Variants in GSG1 observed in about 807,000 individuals in gnomAD.
GSG1 encodes the protein germ cell-specific gene 1 protein.
In GSG1, 28 loss-of-function variants were observed where a neutral mutation model predicts 30.8. That is an observed-to-expected ratio of 0.91 (90% confidence interval 0.67 to 1.25). The LOEUF (loss-of-function observed/expected upper bound fraction) is 1.25, where lower values mean the gene tolerates loss of function less well. Ranked by LOEUF, GSG1 falls within the 50% of genes most tolerant of loss-of-function variation. The pLI is 0.00. For missense variants in GSG1, 435 were observed against 444.7 expected, an observed-to-expected ratio of 0.98 and a Z score of 0.20; for synonymous variants, 162 against 178.0, an observed-to-expected ratio of 0.91 and a Z score of 0.71.
chr12:13,094,898 G>T (rs1404228244), intron 1 of GSG1, among the ~76,000 whole-genome samples: 1 of 151,620 alleles, frequency 6.6e-6, no homozygotes, highest in Admixed American at 6.6e-5. Context: ...GTTATTCTCG[G>T]GGTTATTCAG....
At chr12:13,095,178 A>G (rs1180135410) in intron 1 of GSG1, among the ~76,000 whole-genome samples, 1 of 152,202 alleles carries the variant, frequency 6.6e-6, no homozygotes, top group Non-Finnish European at 1.5e-5. Flanking sequence ...GCCCTTTGTC[A>G]CATACTTTAC....
intron 6 of GSG1, among the ~76,000 whole-genome samples, chr12:13,086,228 A>G (rs1480887754): frequency 1.3e-5 from 2 of 152,226 alleles, no homozygotes; most frequent in Non-Finnish European, 2.9e-5. Flanking sequence ...CGTTAATGCC[A>G]AGAATGGCCT....
At chr12:13,091,111 T>C (rs1866091126) in intron 1 of GSG1, among the ~76,000 whole-genome samples, 1 of 152,188 alleles carries the variant, frequency 6.6e-6, no homozygotes, top group Non-Finnish European at 1.5e-5. Flanking sequence ...GTCCCACTCT[T>C]TCCCAAGGCT....
In GSG1 at chr12:13,085,344, G is replaced by A. The variant is rs746891654; in HGVS notation, c.747-101C>T. On this transcript the variant is annotated intron_variant, in intron 6 of 6. Transcript: ENST00000651961. ...TACTAGTGGACTAGCTTATTGCCTTGTAGGGATTTAGGGACTTTCCACCAT... is the reference window on the plus strand; with the variant it reads ...TACTAGTGGACTAGCTTATTGCCTTATAGGGATTTAGGGACTTTCCACCAT... 403 of 1,103,822 alleles carry A rather than the reference G, an allele frequency of 3.7e-4. 1 individual carries two copies. The highest frequency in any genetic ancestry group is 4.8e-4 in the Non-Finnish European group (376 of 785,992). 68.4% of individuals were successfully genotyped at this position (1,103,822 alleles called of 1,614,324 possible).
chr12:13,099,762 TTTTTTTG>T (rs1863051650), intron 1 of GSG1, among the ~76,000 whole-genome samples: 2 of 148,262 alleles, frequency 1.3e-5, no homozygotes, highest in Non-Finnish European at 3.0e-5. Context: ...TTTTTTTTTT[TTTTTTTG>T]TTTTTTCTTC....
At chr12:13,096,054 C>T (rs868445764) in intron 1 of GSG1, among the ~76,000 whole-genome samples, 1 of 152,164 alleles carries the variant, frequency 6.6e-6, no homozygotes, top group Non-Finnish European at 1.5e-5. Context: ...TACCTTCCCT[C>T]GAGTAGGGTT....
rs1865704741 is a variant in GSG1 at position 13,087,991 on chromosome 12, G to C, written c.550C>G (p.Leu184Val). ...IGLQFISFLL[L>V]LTDLLLTGNP... ...CCAGTGAGTAGCAAGTCTGTTAGTAGCAGGAGGAAGCTGATGAATTGAAGT... is the reference window on the plus strand; with the variant it reads ...CCAGTGAGTAGCAAGTCTGTTAGTACCAGGAGGAAGCTGATGAATTGAAGT... Residue 184 changes from leucine (L) to valine (V), a missense_variant, in exon 5 of 7, where the codon CTA becomes GTA. By Grantham distance (32) the Leu-to-Val change is conservative. Transcript: ENST00000651961. 6.2e-7 allele frequency: 1 copy of C among 1,614,256 alleles called. No individual in the cohort carries two copies. Among genetic ancestry groups the C allele is most frequent in the Non-Finnish European group, 8.5e-7 (1 of 1,180,038 alleles).
chr12:13,094,274 T>C (rs1381048875), intron 1 of GSG1, among the ~76,000 whole-genome samples: 1 of 152,278 alleles, frequency 6.6e-6, no homozygotes, highest in Non-Finnish European at 1.5e-5. Context: ...CACAAAATGC[T>C]TATTATTTAT....
At chr12:13,102,658 T>G (rs1363869502) in intron 1 of GSG1, among the ~76,000 whole-genome samples, 1 of 152,222 alleles carries the variant, frequency 6.6e-6, no homozygotes, top group Non-Finnish European at 1.5e-5. Flanking sequence ...ACCACATTGC[T>G]CCCTGTGTTG....
At chr12:13,087,408 G>A in intron 5 of GSG1, 145 bp from the exon 6 acceptor site, 1 of 614,832 alleles carries the variant, frequency 1.6e-6, no homozygotes, top group Admixed American at 2.8e-5. Context: ...ATTTCCCGAA[G>A]ACTAATTCAC....
At chr12:13,096,715 A>C (rs967934400) in intron 1 of GSG1, among the ~76,000 whole-genome samples, 1 of 152,158 alleles carries the variant, frequency 6.6e-6, no homozygotes, top group African/African-American at 2.4e-5. Context: ...AAAGTAATCT[A>C]AGAAACCAGT....
intron 1 of GSG1, among the ~76,000 whole-genome samples, chr12:13,100,904 A>G (rs947557966): frequency 5.9e-5 from 9 of 152,150 alleles, no homozygotes; most frequent in African/African-American, 9.7e-5. Context: ...GTAGGTCCCG[A>G]GTTTTGGGAA....
intron 1 of GSG1, among the ~76,000 whole-genome samples, chr12:13,097,024 A>C (rs1022242986): frequency 6.6e-6 from 1 of 152,088 alleles, no homozygotes; most frequent in Non-Finnish European, 1.5e-5. Context: ...TGGGAGATGG[A>C]GGTTGCAGTG....
At chr12:13,091,528 A>T (rs1866137720) in intron 1 of GSG1, among the ~76,000 whole-genome samples, 1 of 152,106 alleles carries the variant, frequency 6.6e-6, no homozygotes, top group Non-Finnish European at 1.5e-5. Context: ...ACATAGTGAG[A>T]CCCTGTCTCT....
At chr12:13,088,785 C>G (rs779693983) in intron 4 of GSG1, 77 bp downstream of exon 4, 1 of 1,614,084 alleles carries the variant, frequency 6.2e-7, no homozygotes, top group South Asian at 1.1e-5. Flanking sequence ...CCTTCTCCAT[C>G]AACCGCTTCC....
At position 13,093,521 on chromosome 12, in the gene GSG1, G is replaced by T. The variant is rs1310969714; in HGVS notation, c.49-2703C>A. Among the ~76,000 whole-genome samples the T allele has an allele frequency of 6.6e-6, 1 of 152,216 alleles. No individual in the cohort carries two copies. Among genetic ancestry groups the T allele is most frequent in the Non-Finnish European group, 1.5e-5 (1 of 68,030 alleles). On this transcript the variant is annotated intron_variant, in intron 1 of 6. Coordinates refer to ENST00000651961, the MANE Select transcript of GSG1 (RefSeq NM_001080555.4). This position sits in a 1 kb window ranked among gnomAD's most constrained non-coding sequence, Gnocchi z 4.6. Reference sequence around the variant, plus strand: ...CTATTGAAACCTTTGGAAAGGAGATGGGGCTTATGGTTCTGGGAGAGGTAG... The same window carrying T: ...CTATTGAAACCTTTGGAAAGGAGATTGGGCTTATGGTTCTGGGAGAGGTAG...
At chr12:13,102,444 C>A (rs1421018361) in intron 1 of GSG1, among the ~76,000 whole-genome samples, 3 of 152,212 alleles carry the variant, frequency 2.0e-5, no homozygotes. Context: ...TTATTCTAAG[C>A]CATGACTGGC....
intron 4 of GSG1, 28 bp from the exon 5 acceptor site, chr12:13,088,087 G>A (rs757979765): frequency 5.7e-5 from 92 of 1,613,328 alleles, no homozygotes; most frequent in Non-Finnish European, 7.1e-5. Flanking sequence ...AAGAGGGAGC[G>A]CTCACCCTGA....
At chr12:13,095,757 T>C in intron 1 of GSG1, 2 of 1,538,738 alleles carry the variant, frequency 1.3e-6, no homozygotes, top group South Asian at 2.4e-5. Context: ...TTCTTTGGAG[T>C]GCCTCATGAT....
Sources: allele counts gnomAD v4.1 joint callset (sites outside exome capture counted in the v4.1 genomes callset), GRCh38; gene constraint gnomAD v4.1.1; non-coding constraint Gnocchi (gnomAD v3.1); transcripts MANE v1.5; gene names NCBI Gene and HGNC (gene_info 2026-07-23, HGNC 2026-07-21).